Variants in PACRG observed in about 807,000 individuals in gnomAD.
PACRG encodes parkin coregulated.
In PACRG, 29 loss-of-function variants were observed where a neutral mutation model predicts 29.7. The ratio of observed to expected loss-of-function variants is 0.98; its 90% CI spans 0.73 to 1.33. The LOEUF (loss-of-function observed/expected upper bound fraction) is 1.33, where lower values mean the gene tolerates loss of function less well. Among genes scored for constraint, PACRG ranks in the 40% most tolerant of loss-of-function variants. The pLI, the probability that PACRG is intolerant of heterozygous loss-of-function variation, is 0.00. For synonymous variants in PACRG, 116 were observed against 118.7 expected (o/e 0.98, Z 0.15); for missense variants, 279 against 316.2 (o/e 0.88, Z 0.89).
At chr6:162,924,103 C>A (rs1343270023) in intron 2 of PACRG, among the ~76,000 whole-genome samples, 2 of 151,960 alleles carry the variant, frequency 1.3e-5, no homozygotes, top group Non-Finnish European at 2.9e-5. Flanking sequence ...AGATCATTCA[C>A]CTTCCTGGTT....
intron 2 of PACRG, among the ~76,000 whole-genome samples, chr6:162,888,247 T>C (rs6922594): frequency 2.0e-5 from 3 of 151,572 alleles, no homozygotes; most frequent in Non-Finnish European, 4.4e-5. Context: ...CATCACCGAG[T>C]TGAGCACTTC....
intron 2 of PACRG, among the ~76,000 whole-genome samples, chr6:162,897,794 T>C (rs954703208): frequency 2.6e-5 from 4 of 152,240 alleles, no homozygotes; most frequent in Admixed American, 2.0e-4. Flanking sequence ...ATGCACGGAC[T>C]TCTGGTCCTA....
intron 2 of PACRG, among the ~76,000 whole-genome samples, chr6:162,847,258 C>A (rs1258688181): frequency 6.6e-6 from 1 of 152,166 alleles, no homozygotes; most frequent in Non-Finnish European, 1.5e-5. Flanking sequence ...TCCTTCACAC[C>A]CTCTTCATCA....
chr6:163,117,144 A>G (rs530525187), intron 4 of PACRG, among the ~76,000 whole-genome samples: 3 of 152,252 alleles, frequency 2.0e-5, no homozygotes, highest in Admixed American at 6.5e-5. Flanking sequence ...TTCAGGGAAC[A>G]CTCATCCCAC....
intron 4 of PACRG, chr6:163,170,960 G>A (rs562237842): frequency 1.7e-4 from 26 of 152,244 alleles, no homozygotes; most frequent in African/African-American, 5.8e-4. Context: ...AAAGGATATC[G>A]CCTAGTGCTA....
At chr6:163,216,299 G>C (rs1004203889) in intron 4 of PACRG, among the ~76,000 whole-genome samples, 2 of 152,102 alleles carry the variant, frequency 1.3e-5, no homozygotes, top group Non-Finnish European at 2.9e-5. Flanking sequence ...CCAGCACCAA[G>C]GGCAAGGGCT....
chr6:163,269,847 A>AAGAAAG lies in PACRG; in HGVS notation c.614-44978_614-44973dup, dbSNP rs1554237835. On this transcript the variant is annotated intron_variant, in intron 4 of 4. Transcript: ENST00000366888. ...AGAAAGAAAGAAAGAAAAAGAAAGA[A>AAGAAAG]AGAAAGAAAGAGAAAGAAAGAGAAA... is the stretch of plus-strand genomic sequence containing the variant. 9.2e-5 allele frequency among the ~76,000 whole-genome samples: 6 copies of AAGAAAG among 65,508 alleles called. 1 individual carries two copies. The highest frequency in any genetic ancestry group is 2.9e-4 in the Admixed American group (2 of 6,782). 43.0% of individuals were successfully genotyped at this position (65,508 alleles called of 152,430 possible). A position where few individuals can be genotyped will look rare whatever the true frequency, so the allele number is the denominator to read the frequency against.
At chr6:163,262,015 T>C (rs115181661) in intron 4 of PACRG, among the ~76,000 whole-genome samples, 1,925 of 152,314 alleles carry the variant, frequency 0.013, 40 homozygotes, top group African/African-American at 0.045. Context: ...ATATTGTCTA[T>C]TGCTGCTATT....
rs141630617 is a variant in PACRG, at chr6:163,044,575, A to T, written c.292-17575A>T. 1,054 of 152,168 alleles carry T rather than the reference A, an allele frequency of 6.9e-3. 9 individuals are homozygous for T. The highest frequency in any genetic ancestry group is 0.024 in the African/African-American group (979 of 41,550). 9.4% of individuals were successfully genotyped at this position (152,168 alleles called of 1,614,324 possible). On this transcript the variant is annotated intron_variant, in intron 2 of 4. Coordinates refer to ENST00000366888, the MANE Select transcript of PACRG (RefSeq NM_001080379.2). ...GTTTAGTGTCAATATAAAAATTCTT[A>T]AAAAAATGTGATGGAAGTATTTACA...
chr6:162,868,470 A>G (rs779692032), intron 2 of PACRG, among the ~76,000 whole-genome samples: 1 of 152,214 alleles, frequency 6.6e-6, no homozygotes, highest in Admixed American at 6.5e-5. Context: ...GCCGCAGCAC[A>G]GTGGTGAGAT....
At chr6:162,874,338 C>T (rs1793106736) in intron 2 of PACRG, among the ~76,000 whole-genome samples, 1 of 151,942 alleles carries the variant, frequency 6.6e-6, no homozygotes, top group Non-Finnish European at 1.5e-5. Context: ...CAGTTTGTGA[C>T]TTGGAATGTC....
At chr6:163,234,400 C>A (rs941580818) in intron 4 of PACRG, among the ~76,000 whole-genome samples, 3 of 152,166 alleles carry the variant, frequency 2.0e-5, no homozygotes, top group Non-Finnish European at 4.4e-5. Flanking sequence ...TGCTTCCTCT[C>A]TGGCCATGTG....
intron 2 of PACRG, among the ~76,000 whole-genome samples, chr6:162,955,217 T>C (rs192296866): frequency 6.6e-6 from 1 of 151,988 alleles, no homozygotes; most frequent in Admixed American, 6.5e-5. Flanking sequence ...GTGGGTAGGG[T>C]TCATAAGCAG....
chr6:162,753,389 A>G (rs1241085214), intron 1 of PACRG, among the ~76,000 whole-genome samples: 2 of 152,166 alleles, frequency 1.3e-5, no homozygotes, highest in African/African-American at 2.4e-5. Context: ...TTCATGTAGC[A>G]TAGTGTCCTC....
intron 4 of PACRG, among the ~76,000 whole-genome samples, chr6:163,270,640 C>T (rs1032815278): frequency 3.9e-5 from 6 of 151,998 alleles, no homozygotes; most frequent in African/African-American, 9.7e-5. Context: ...CCCAAAGTGC[C>T]GGGATTACAG....
At chr6:163,278,512 A>C (rs1165364021) in intron 4 of PACRG, among the ~76,000 whole-genome samples, 1 of 152,170 alleles carries the variant, frequency 6.6e-6, no homozygotes, top group Non-Finnish European at 1.5e-5. Flanking sequence ...ATTTTTGTAT[A>C]AGGTAAGAGA....
At chr6:163,062,360 GGT>G in intron 3 of PACRG, 39 bp downstream of exon 3, 2 of 1,553,280 alleles carry the variant, frequency 1.3e-6, no homozygotes, top group Admixed American at 4.1e-5. Context: ...CAGTTTATAC[GGT>G]GTTGCTTTTT....
chr6:163,210,682 A>C (rs1215715006), intron 4 of PACRG, among the ~76,000 whole-genome samples: 1 of 152,240 alleles, frequency 6.6e-6, no homozygotes, highest in Non-Finnish European at 1.5e-5. Flanking sequence ...TCTTCCCCTT[A>C]CTTTTGCTGA....
At position 162,777,979 on chromosome 6, in the gene PACRG, C is replaced by T. The variant is rs1407950308; in HGVS notation, c.157-36168C>T. 6.6e-6 allele frequency among the ~76,000 whole-genome samples: 1 copy of T among 152,100 alleles called. No individual in the cohort carries two copies. The highest frequency in any genetic ancestry group is 1.5e-5 in the Non-Finnish European group (1 of 68,026). ...TCCTTTGGGCCAAACACTGTTTTGG[C>T]CCGTAAGTATGTAGTTGTGAGCTAA... On this transcript the variant is annotated intron_variant, in intron 1 of 4. Transcript: ENST00000366888. The surrounding 1 kb of genome is among the most constrained non-coding windows in gnomAD (Gnocchi z 4.0).
Sources: allele counts gnomAD v4.1 joint callset (sites outside exome capture counted in the v4.1 genomes callset), GRCh38; gene constraint gnomAD v4.1.1; non-coding constraint Gnocchi (gnomAD v3.1); transcripts MANE v1.5; gene names NCBI Gene and HGNC (gene_info 2026-07-23, HGNC 2026-07-21).